MMP26: variants seen among roughly 807,000 people sequenced by gnomAD.
MMP26 encodes matrix metallopeptidase 26, also known as matrix metalloproteinase-26.
A neutral mutation model predicts 31.0 loss-of-function variants in MMP26; 33 were observed. The observed-to-expected ratio is 1.06, with a 90% CI of 0.81 to 1.42. MMP26 has a LOEUF of 1.42. MMP26 is among the 40% of genes most tolerant of loss of function. The probability of loss-of-function intolerance (pLI) is 0.00; values close to 1 mark genes in which losing one functional copy is unlikely to be tolerated. For synonymous variants in MMP26, 122 were observed against 114.9 expected (o/e 1.06, Z -0.40); for missense variants, 347 against 316.1 (o/e 1.10, Z -0.74).
rs534837298 is a variant in MMP26 at position 4,923,986 on chromosome 11, T to A, written c.-144-64082T>A. On this transcript the variant is annotated intron_variant, in intron 2 of 7. Coordinates refer to ENST00000380390, the MANE Select transcript of MMP26 (RefSeq NM_021801.5). ...CCACGTAGCGGTCAATGGACATGGA[T>A]AACAGAACTGATGACTCCATTGAAG... 7.1e-5 allele frequency: 115 copies of A among 1,614,068 alleles called. 1 individual carries two copies. The Admixed American group carries it at 1.9e-3, about 27-fold the overall frequency.
At chr11:4,849,047 G>C (rs1849932457) in intron 2 of MMP26, 3 of 1,614,114 alleles carry the variant, frequency 1.9e-6, no homozygotes, top group African/African-American at 2.7e-5. Context: ...CAATGATCCA[G>C]AGGATGGTGC....
At chr11:4,757,833 C>T (rs778885322) in intron 1 of MMP26, among the ~76,000 whole-genome samples, 4 of 149,270 alleles carry the variant, frequency 2.7e-5, no homozygotes, top group South Asian at 2.2e-4. Flanking sequence ...AAGGAAGGAA[C>T]GAACGAAGGA....
At chr11:4,830,403 G>T (rs939355021) in intron 2 of MMP26, among the ~76,000 whole-genome samples, 1 of 152,178 alleles carries the variant, frequency 6.6e-6, no homozygotes, top group African/African-American at 2.4e-5. Context: ...TTTTGGAAAA[G>T]TTTTATGGCT....
At chr11:4,849,009 A>T (rs1177748275) in intron 2 of MMP26, 3 of 1,614,016 alleles carry the variant, frequency 1.9e-6, no homozygotes, top group East Asian at 4.5e-5. Context: ...GAAGAAGTGC[A>T]TTGGGCGGTG....
At chr11:4,907,772 A>T in intron 2 of MMP26, 1 of 1,614,082 alleles carries the variant, frequency 6.2e-7, no homozygotes, top group Non-Finnish European at 8.5e-7. Flanking sequence ...ATACAGTTCT[A>T]TCCTCACTAG....
chr11:4,934,275 G>A lies in MMP26; in HGVS notation c.-144-53793G>A, dbSNP rs1051511841. Among the ~76,000 whole-genome samples, 99 of 150,572 alleles carry A rather than the reference G, an allele frequency of 6.6e-4. 2 individuals carry two copies. Among genetic ancestry groups the A allele is most frequent in the Admixed American group, 1.8e-3 (27 of 15,064 alleles). The stretch of plus-strand genomic sequence containing the variant: ...TTTAATGATTGCCATTCTAACTGGT[G>A]TGAGATGGTATCTCATAGTGGTTTT... On this transcript the variant is annotated intron_variant, in intron 2 of 7. Coordinates refer to ENST00000380390, the MANE Select transcript of MMP26 (RefSeq NM_021801.5).
chr11:4,848,777 G>T (rs544753688), intron 2 of MMP26: 2 of 1,614,080 alleles, frequency 1.2e-6, no homozygotes, highest in African/African-American at 2.7e-5. Context: ...CACCATTGGT[G>T]AGGAGCGCTG....
rs1383043730 is a variant in MMP26 at position 4,988,224 on chromosome 11, A to G, written c.13A>G (p.Ile5Val). 1.2e-6 allele frequency: 2 copies of G among 1,614,090 alleles called. No individual in the cohort carries two copies. The highest frequency in any genetic ancestry group is 1.6e-4 in the Middle Eastern group (1 of 6,062). MQLV[I>V]LRVTIFLPWC... Reference sequence around the variant, plus strand: ...ATGAGGGTTTGGCATGCAGCTCGTCATCTTAAGAGTTACTATCTTCTTGCC... The same window carrying G: ...ATGAGGGTTTGGCATGCAGCTCGTCGTCTTAAGAGTTACTATCTTCTTGCC... Residue 5 changes from isoleucine (I) to valine (V), a missense_variant, in exon 3 of 8, where the codon ATC (isoleucine) becomes GTC (valine). Coordinates refer to ENST00000380390, the MANE Select transcript of MMP26 (RefSeq NM_021801.5).
intron 2 of MMP26, among the ~76,000 whole-genome samples, chr11:4,958,537 T>C (rs71480742): frequency 6.8e-6 from 1 of 146,046 alleles, no homozygotes; most frequent in Admixed American, 6.8e-5. Flanking sequence ...TATCTATCTG[T>C]CTATCTATCT....
intron 2 of MMP26, among the ~76,000 whole-genome samples, chr11:4,831,114 C>G (rs1849640406): frequency 2.0e-5 from 3 of 152,156 alleles, no homozygotes; most frequent in Admixed American, 2.0e-4. Context: ...CTTTCCTTCA[C>G]TACTTTCTAT....
chr11:4,924,346 A>G (rs371913148), intron 2 of MMP26: 57 of 1,575,080 alleles, frequency 3.6e-5, no homozygotes, highest in Non-Finnish European at 4.9e-5. Context: ...TCATAGCTTT[A>G]CAATCTTGGA....
chr11:4,804,800 A>AAAAAAC (rs1181631263), intron 2 of MMP26, among the ~76,000 whole-genome samples: 222 of 140,182 alleles, frequency 1.6e-3, no homozygotes, highest in African/African-American at 3.4e-3. Context: ...CAAAAACAAA[A>AAAAAAC]CAAAACAAAA....
At chr11:4,833,789 A>G (rs1849677831) in intron 2 of MMP26, among the ~76,000 whole-genome samples, 1 of 152,182 alleles carries the variant, frequency 6.6e-6, no homozygotes, top group African/African-American at 2.4e-5. Flanking sequence ...AGAGGAAGTT[A>G]TAGAAGGGCC....
rs55678976 is a variant in MMP26, at chr11:4,901,149, C to CTTTTTTTT, written c.-144-86899_-144-86892dup. On this transcript the variant is annotated intron_variant, in intron 2 of 7. Coordinates refer to ENST00000380390, the MANE Select transcript of MMP26 (RefSeq NM_021801.5). Reference sequence around the variant, plus strand: ...GTGGACTTCGCATCACCTCTTTGTGCTTTTTTTTTTTTTTTTTTTTTTTTT... The same window carrying CTTTTTTTT: ...GTGGACTTCGCATCACCTCTTTGTGCTTTTTTTTTTTTTTTTTTTTTTTTTTTTTTTTT... Among the ~76,000 whole-genome samples, 7 of 84,508 alleles carry CTTTTTTTT rather than the reference C, an allele frequency of 8.3e-5. 1 individual carries two copies. Among genetic ancestry groups the CTTTTTTTT allele is most frequent in the African/African-American group, 3.3e-4 (7 of 20,902 alleles). The allele number at this position is 84,508 out of a possible 152,430, so 55.4% of individuals were successfully genotyped here.
In MMP26 at chr11:4,853,724, A is replaced by C. The variant is rs543836554; in HGVS notation, c.-145+86383A>C. On this transcript the variant is annotated intron_variant, in intron 2 of 7. Transcript: ENST00000380390. ...ATTAGATCACATATTAAAAGAAGAAATAATAACTAATGCTTCTCATAATGC... is the reference window on the plus strand; with the variant it reads ...ATTAGATCACATATTAAAAGAAGAACTAATAACTAATGCTTCTCATAATGC... Among the ~76,000 whole-genome samples, 16 of 152,326 alleles carry C rather than the reference A, an allele frequency of 1.1e-4. No homozygotes were observed. In the East Asian group the frequency reaches 3.1e-3, roughly 29 times the overall value.
chr11:4,795,882 A>G (rs1410467727), intron 2 of MMP26, among the ~76,000 whole-genome samples: 1 of 151,998 alleles, frequency 6.6e-6, no homozygotes, highest in Non-Finnish European at 1.5e-5. Flanking sequence ...CCTAACAATC[A>G]GCCACATTAT....
intron 1 of MMP26, among the ~76,000 whole-genome samples, chr11:4,738,921 G>T (rs1040947119): frequency 9.2e-5 from 14 of 152,188 alleles, no homozygotes; most frequent in Non-Finnish European, 2.1e-4. Flanking sequence ...TAGCCCATTT[G>T]CTATTGCTTG....
At chr11:4,856,654 A>G (rs1850058015) in intron 2 of MMP26, among the ~76,000 whole-genome samples, 1 of 152,198 alleles carries the variant, frequency 6.6e-6, no homozygotes, top group Admixed American at 6.5e-5. Context: ...TCAACATTAG[A>G]CAGATCAATG....
intron 1 of MMP26, among the ~76,000 whole-genome samples, chr11:4,747,150 T>C (rs760687532): frequency 1.6e-4 from 25 of 152,144 alleles, no homozygotes; most frequent in Non-Finnish European, 3.2e-4. Context: ...AGCATTTCTA[T>C]GTCTAAACGA....
Sources: allele counts gnomAD v4.1 joint callset (sites outside exome capture counted in the v4.1 genomes callset), GRCh38; gene constraint gnomAD v4.1.1; transcripts MANE v1.5; gene names NCBI Gene and HGNC (gene_info 2026-07-23, HGNC 2026-07-21).